Variants in MAP4K3 observed in about 807,000 individuals in gnomAD.
The protein encoded by MAP4K3 is MAPK/ERK kinase kinase kinase 3.
In MAP4K3, 94 loss-of-function variants were observed where a neutral mutation model predicts 143.5. The ratio of observed to expected loss-of-function variants is 0.65; its 90% confidence interval spans 0.55 to 0.78. The LOEUF is 0.78. Among genes scored for constraint, MAP4K3 ranks in the 30% least tolerant of loss-of-function variants. The probability of loss-of-function intolerance (pLI) is 0.00; values close to 1 mark genes in which losing one functional copy is unlikely to be tolerated. For missense variants in MAP4K3, 1,077 were observed against 1,068.1 expected (o/e 1.01, Z -0.12); for synonymous variants, 416 against 347.2 (o/e 1.20, Z -2.20).
intron 1 of MAP4K3, among the ~76,000 whole-genome samples, chr2:39,392,456 C>G (rs1416910961): frequency 6.6e-6 from 1 of 152,162 alleles, no homozygotes; most frequent in East Asian, 1.9e-4. Context: ...TTAAATTAGA[C>G]ACATAAAGCT....
At chr2:39,251,701 T>G (rs535842909) in intron 33 of MAP4K3, 129 bp downstream of exon 33, 1 of 735,972 alleles carries the variant, frequency 1.4e-6, no homozygotes, top group Non-Finnish European at 2.2e-6. Flanking sequence ...CTGTGAATTC[T>G]TATAGTGTGA....
chr2:39,395,407 G>A (rs1438179685), intron 1 of MAP4K3, among the ~76,000 whole-genome samples: 1 of 151,886 alleles, frequency 6.6e-6, no homozygotes, highest in East Asian at 1.9e-4. Context: ...GTATTAATAA[G>A]CTTTTCCACT....
At chr2:39,387,616 G>C (rs1403828933) in intron 1 of MAP4K3, among the ~76,000 whole-genome samples, 8 of 152,110 alleles carry the variant, frequency 5.3e-5, no homozygotes, top group South Asian at 4.1e-4. Flanking sequence ...CAGGACTTTG[G>C]GCATAAAGTG....
intron 18 of MAP4K3, among the ~76,000 whole-genome samples, chr2:39,292,175 T>C (rs187888912): frequency 6.6e-6 from 1 of 152,370 alleles, no homozygotes; most frequent in Non-Finnish European, 1.5e-5. Flanking sequence ...AATAAGCTTC[T>C]TTGTAGTTGT....
intron 6 of MAP4K3, among the ~76,000 whole-genome samples, chr2:39,335,068 G>A (rs1399548750): frequency 6.6e-6 from 1 of 152,114 alleles, no homozygotes; most frequent in Non-Finnish European, 1.5e-5. Context: ...TCTAAGATCG[G>A]CAAGTTTAGT....
chr2:39,359,372 C>A (rs1244670541), intron 2 of MAP4K3, among the ~76,000 whole-genome samples: 14 of 152,224 alleles, frequency 9.2e-5, no homozygotes, highest in Admixed American at 4.6e-4. Context: ...TGGCCTTGGG[C>A]AGCTCCAACC....
At chr2:39,394,156 G>A (rs1415542374) in intron 1 of MAP4K3, among the ~76,000 whole-genome samples, 1 of 152,152 alleles carries the variant, frequency 6.6e-6, no homozygotes, top group East Asian at 1.9e-4. Context: ...CCTACTACGA[G>A]AGAATGGCCA....
chr2:39,414,678 A>G lies in MAP4K3; in HGVS notation c.96+22214T>C, dbSNP rs374094077. ...ATCACGACATCAGGAGATCGAGACCATCCTGGCTAACACGGTGAAACCCCG... is the reference window on the plus strand; with the variant it reads ...ATCACGACATCAGGAGATCGAGACCGTCCTGGCTAACACGGTGAAACCCCG... On this transcript the variant is annotated intron_variant, in intron 1 of 33. Transcript: ENST00000263881. 1.8e-3 allele frequency among the ~76,000 whole-genome samples: 281 copies of G among 152,296 alleles called. 1 individual carries two copies. The highest frequency in any genetic ancestry group is 6.2e-3 in the African/African-American group (256 of 41,568).
intron 31 of MAP4K3, among the ~76,000 whole-genome samples, chr2:39,258,114 T>C (rs1253549650): frequency 6.6e-6 from 1 of 152,072 alleles, no homozygotes; most frequent in Non-Finnish European, 1.5e-5. Context: ...GTATTTTTAG[T>C]AGACACGGGG....
intron 1 of MAP4K3, among the ~76,000 whole-genome samples, chr2:39,410,929 T>C (rs1667216331): frequency 6.6e-6 from 1 of 152,210 alleles, no homozygotes. Context: ...ATCTTCACCA[T>C]ATAATCTACA....
chr2:39,414,219 G>A (rs1667307172), intron 1 of MAP4K3, among the ~76,000 whole-genome samples: 1 of 152,084 alleles, frequency 6.6e-6, no homozygotes, highest in African/African-American at 2.4e-5. Context: ...GCAAAGAGAG[G>A]CACCAATCTT....
At chr2:39,422,345 G>C (rs1344138835) in intron 1 of MAP4K3, among the ~76,000 whole-genome samples, 3 of 151,912 alleles carry the variant, frequency 2.0e-5, no homozygotes, top group Admixed American at 6.6e-5. Flanking sequence ...CTAGTTCTCT[G>C]CTATATATCT....
chr2:39,263,394 T>C (rs1311499600), intron 28 of MAP4K3, among the ~76,000 whole-genome samples: 2 of 145,734 alleles, frequency 1.4e-5, no homozygotes, highest in Non-Finnish European at 3.0e-5. Context: ...TGCCTCAGCC[T>C]CCCGAGTAGC....
At chr2:39,422,403 A>C (rs900214006) in intron 1 of MAP4K3, among the ~76,000 whole-genome samples, 2 of 152,190 alleles carry the variant, frequency 1.3e-5, no homozygotes, top group African/African-American at 4.8e-5. Context: ...AACAGAGGAA[A>C]GACCATGTAT....
intron 1 of MAP4K3, among the ~76,000 whole-genome samples, chr2:39,397,102 A>G (rs896673149): frequency 6.6e-6 from 1 of 152,204 alleles, no homozygotes; most frequent in Admixed American, 6.5e-5. Context: ...TAAAGAAATG[A>G]TTCTTTTTAA....
At chr2:39,380,968 T>A (rs944692406) in intron 1 of MAP4K3, among the ~76,000 whole-genome samples, 6 of 152,180 alleles carry the variant, frequency 3.9e-5, no homozygotes, top group African/African-American at 1.4e-4. Flanking sequence ...TCGCAGTCAC[T>A]CCATATTCCT....
intron 1 of MAP4K3, among the ~76,000 whole-genome samples, chr2:39,383,214 T>C (rs766778290): frequency 3.9e-5 from 6 of 152,118 alleles, no homozygotes; most frequent in African/African-American, 7.2e-5. Flanking sequence ...AAAGGTTTAA[T>C]TGACTCACAA....
chr2:39,253,453 T>G (rs1013034503), intron 32 of MAP4K3, among the ~76,000 whole-genome samples: 8 of 152,150 alleles, frequency 5.3e-5, no homozygotes, highest in African/African-American at 1.9e-4. Flanking sequence ...TTTAAACACT[T>G]ACTATAGGTC....
intron 24 of MAP4K3, among the ~76,000 whole-genome samples, 171 bp from the exon 25 acceptor site, chr2:39,272,713 T>C (rs1681081909): frequency 6.6e-6 from 1 of 152,200 alleles, no homozygotes; most frequent in Non-Finnish European, 1.5e-5. Context: ...TATATATACA[T>C]ACATATTTAT....
Sources: allele counts gnomAD v4.1 joint callset (sites outside exome capture counted in the v4.1 genomes callset), GRCh38; gene constraint gnomAD v4.1.1; transcripts MANE v1.5; gene names NCBI Gene and HGNC (gene_info 2026-07-23, HGNC 2026-07-21).